Variants in CCSER1 observed in about 807,000 individuals in gnomAD.
The protein encoded by CCSER1 is coiled-coil serine rich protein 1, also known as serine-rich coiled-coil domain-containing protein 1.
A neutral mutation model predicts 82.0 loss-of-function variants in CCSER1; 41 were observed. That is an observed-to-expected ratio of 0.50 (90% CI 0.39 to 0.65). CCSER1 has a LOEUF of 0.65. Among genes scored for constraint, CCSER1 ranks in the 30% least tolerant of loss-of-function variants. CCSER1 has a pLI of 0.00. For synonymous variants in CCSER1, 414 were observed against 383.9 expected (o/e 1.08, Z -0.92); for missense variants, 1,119 against 1,064.2 (o/e 1.05, Z -0.72).
intron 7 of CCSER1, among the ~76,000 whole-genome samples, chr4:90,787,889 G>A (rs1754728673): frequency 6.6e-6 from 1 of 152,076 alleles, no homozygotes; most frequent in African/African-American, 2.4e-5. Context: ...CAAGAAGTAG[G>A]GTCCACCACA....
intron 5 of CCSER1, among the ~76,000 whole-genome samples, chr4:90,488,925 A>G (rs548054842): frequency 6.6e-6 from 1 of 152,164 alleles, no homozygotes; most frequent in African/African-American, 2.4e-5. Context: ...TTGAGGAGGG[A>G]TTAATTTTGT....
intron 5 of CCSER1, among the ~76,000 whole-genome samples, chr4:90,506,929 C>A (rs575919408): frequency 6.6e-6 from 1 of 152,202 alleles, no homozygotes; most frequent in East Asian, 1.9e-4. Context: ...TAATTTGGTT[C>A]TGTTCCTAAA....
At chr4:90,660,498 T>C (rs780581271) in intron 6 of CCSER1, among the ~76,000 whole-genome samples, 2 of 152,096 alleles carry the variant, frequency 1.3e-5, no homozygotes, top group Non-Finnish European at 2.9e-5. Context: ...ACATTTCAAA[T>C]TGATATATGA....
chr4:90,879,555 GGAAGAAGAA>G (rs1720923856), intron 8 of CCSER1, among the ~76,000 whole-genome samples: 1 of 11,710 alleles, frequency 8.5e-5, no homozygotes, highest in African/African-American at 3.8e-4. Flanking sequence ...AAGAAGAAGA[GGAAGAAGAA>G]GAAGAGGAAG....
At chr4:91,006,681 C>T (rs771427817) in intron 9 of CCSER1, among the ~76,000 whole-genome samples, 20 of 151,734 alleles carry the variant, frequency 1.3e-4, no homozygotes, top group Non-Finnish European at 2.7e-4. Flanking sequence ...TTAGTAGAGG[C>T]GGGGTTTCAT....
intron 1 of CCSER1, among the ~76,000 whole-genome samples, chr4:90,231,345 A>T (rs200851826): frequency 6.6e-6 from 1 of 152,084 alleles, no homozygotes; most frequent in Non-Finnish European, 1.5e-5. Context: ...GTAATCCAGC[A>T]TATAAACAGA....
chr4:90,920,612 C>G (rs1728231439), intron 8 of CCSER1, among the ~76,000 whole-genome samples: 1 of 151,830 alleles, frequency 6.6e-6, no homozygotes, highest in African/African-American at 2.4e-5. Flanking sequence ...CTTCTACATT[C>G]CAAATTATTT....
chr4:90,337,958 C>T (rs1309127853), intron 3 of CCSER1, among the ~76,000 whole-genome samples: 1 of 152,290 alleles, frequency 6.6e-6, no homozygotes. Flanking sequence ...TATTAGCCCA[C>T]ACATAGATAT....
At chr4:91,457,524 G>A (rs1481809680) in intron 10 of CCSER1, among the ~76,000 whole-genome samples, 2 of 152,016 alleles carry the variant, frequency 1.3e-5, no homozygotes, top group Non-Finnish European at 2.9e-5. Context: ...AAAATAATTA[G>A]TCATGTGTGG....
chr4:91,235,111 T>C (rs531446518), intron 10 of CCSER1, among the ~76,000 whole-genome samples: 4 of 152,182 alleles, frequency 2.6e-5, no homozygotes, highest in East Asian at 1.9e-4. Flanking sequence ...CTTAGAACAA[T>C]ATATAGTACA....
At chr4:90,469,341 A>G (rs1467246228) in intron 5 of CCSER1, among the ~76,000 whole-genome samples, 1 of 152,140 alleles carries the variant, frequency 6.6e-6, no homozygotes, top group Non-Finnish European at 1.5e-5. Flanking sequence ...GGGAAGAAAC[A>G]CTGACCAATT....
intron 6 of CCSER1, among the ~76,000 whole-genome samples, chr4:90,705,328 G>A (rs1347695271): frequency 6.6e-5 from 10 of 152,208 alleles, no homozygotes; most frequent in Admixed American, 5.9e-4. Flanking sequence ...GATTGTTCCT[G>A]TGGAAGCTTC....
intron 5 of CCSER1, among the ~76,000 whole-genome samples, chr4:90,524,064 A>G (rs1773455345): frequency 6.6e-6 from 1 of 152,164 alleles, no homozygotes; most frequent in South Asian, 2.1e-4. Context: ...AGTGAAAAAA[A>G]ACATATATTT....
intron 7 of CCSER1, among the ~76,000 whole-genome samples, chr4:90,779,449 G>C (rs969233727): frequency 6.6e-6 from 1 of 151,734 alleles, no homozygotes; most frequent in African/African-American, 2.4e-5. Flanking sequence ...ATTTGAATCT[G>C]TCCCTAGCAC....
At chr4:91,298,292 C>T (rs1394408679) in intron 10 of CCSER1, among the ~76,000 whole-genome samples, 1 of 152,000 alleles carries the variant, frequency 6.6e-6, no homozygotes, top group Admixed American at 6.6e-5. Context: ...TCATTCTTGC[C>T]ACCACAGGCA....
At chr4:90,545,986 AGC>A (rs1776702166) in intron 5 of CCSER1, among the ~76,000 whole-genome samples, 1 of 152,150 alleles carries the variant, frequency 6.6e-6, no homozygotes, top group Non-Finnish European at 1.5e-5. Context: ...TACAGAGTAC[AGC>A]ATGCAACCAA....
intron 10 of CCSER1, among the ~76,000 whole-genome samples, chr4:91,318,577 T>C (rs1364140894): frequency 6.6e-6 from 1 of 152,022 alleles, no homozygotes; most frequent in Non-Finnish European, 1.5e-5. Context: ...ATAAGATTAT[T>C]GTAAGGATCA....
chr4:90,400,934 A>G (rs1228758403), intron 4 of CCSER1, among the ~76,000 whole-genome samples: 1 of 152,168 alleles, frequency 6.6e-6, no homozygotes, highest in Non-Finnish European at 1.5e-5. Context: ...CCTACTGCAT[A>G]CATTTAAGAA....
rs559183229 is a variant in CCSER1, at chr4:90,196,410, A to G, written c.-42+68579A>G. 2.0e-5 allele frequency among the ~76,000 whole-genome samples: 3 copies of G among 151,988 alleles called. No individual in the cohort carries two copies. The East Asian group carries it at 5.8e-4, about 30-fold the overall frequency. On this transcript the variant is annotated intron_variant, in intron 1 of 10. Transcript: ENST00000509176. ...TCCTTCACTTATCTCCAGGAGTTGC[A>G]CTCAGTTGAAGTCAGCTGCCTTGCC... is the stretch of plus-strand genomic sequence containing the variant.
Sources: gnomAD v4.1 joint callset for allele counts (sites outside exome capture counted in the v4.1 genomes callset) on GRCh38, gnomAD v4.1.1 for gene constraint, MANE v1.5 for transcripts, NCBI Gene and HGNC (gene_info 2026-07-23, HGNC 2026-07-21) for gene names.